SMURF2: variants seen among roughly 807,000 people sequenced by gnomAD.
SMURF2 encodes SMAD specific E3 ubiquitin protein ligase 2, also known as E3 ubiquitin-protein ligase SMURF2.
A neutral mutation model predicts 109.6 loss-of-function variants in SMURF2; 48 were observed. The ratio of observed to expected loss-of-function variants is 0.44; its 90% CI spans 0.35 to 0.56. SMURF2 has a LOEUF of 0.56. Among genes scored for constraint, SMURF2 ranks in the 20% least tolerant of loss-of-function variants. The probability of loss-of-function intolerance (pLI) is 0.01; values close to 1 mark genes in which losing one functional copy is unlikely to be tolerated. For missense variants in SMURF2, 575 were observed against 909.0 expected, an observed-to-expected ratio of 0.63 and a Z score of 4.72; for synonymous variants, 288 against 317.1, an observed-to-expected ratio of 0.91 and a Z score of 0.97.
chr17:64,638,770 C>T (rs1464645060), intron 1 of SMURF2, among the ~76,000 whole-genome samples: 1 of 152,182 alleles, frequency 6.6e-6, no homozygotes, highest in Non-Finnish European at 1.5e-5. Flanking sequence ...ACGTTTATGT[C>T]ACAATGCCCC....
At chr17:64,588,296 G>C (rs1969695816) in intron 5 of SMURF2, among the ~76,000 whole-genome samples, 1 of 151,848 alleles carries the variant, frequency 6.6e-6, no homozygotes, top group Admixed American at 6.6e-5. Flanking sequence ...AAGGAAAAAA[G>C]TTTGTACTCC....
intron 11 of SMURF2, 103 bp downstream of exon 11, chr17:64,562,668 G>A (rs1038098144): frequency 1.5e-5 from 18 of 1,165,802 alleles, no homozygotes; most frequent in African/African-American, 9.3e-5. Flanking sequence ...GTGAGCCACC[G>A]CACCCGGCCA....
intron 1 of SMURF2, among the ~76,000 whole-genome samples, chr17:64,629,592 T>C (rs1459303482): frequency 1.3e-5 from 2 of 152,192 alleles, no homozygotes; most frequent in East Asian, 1.9e-4. Context: ...AAATCCTAAA[T>C]TGCAAGCAGT....
At chr17:64,587,073 G>C (rs1447178507) in intron 5 of SMURF2, among the ~76,000 whole-genome samples, 1 of 152,180 alleles carries the variant, frequency 6.6e-6, no homozygotes, top group East Asian at 1.9e-4. Context: ...CTACTGGGGA[G>C]GCTGAGGCAG....
At chr17:64,614,652 G>T (rs146790121) in intron 1 of SMURF2, among the ~76,000 whole-genome samples, 5 of 152,148 alleles carry the variant, frequency 3.3e-5, no homozygotes, top group African/African-American at 1.2e-4. Flanking sequence ...AGCCATATTG[G>T]ATAAAGCCTC....
chr17:64,562,706 G>C, intron 11 of SMURF2, 65 bp downstream of exon 11: 4 of 1,480,312 alleles, frequency 2.7e-6, no homozygotes, highest in Non-Finnish European at 3.7e-6. Flanking sequence ...AATAAGGTTT[G>C]TATTAGCAAG....
At chr17:64,625,025 C>A (rs782463105) in intron 1 of SMURF2, among the ~76,000 whole-genome samples, 2 of 152,126 alleles carry the variant, frequency 1.3e-5, no homozygotes, top group Non-Finnish European at 2.9e-5. Flanking sequence ...TCTTGGGAAA[C>A]TAGCATTCAC....
chr17:64,571,727 A>T, intron 10 of SMURF2, 71 bp downstream of exon 10: 1 of 1,436,358 alleles, frequency 7.0e-7, no homozygotes, highest in Non-Finnish European at 9.4e-7. Flanking sequence ...ACTCACATTT[A>T]TTATTAAAAG....
In SMURF2 at chr17:64,617,733, T is replaced by TTA. The variant is rs1555690224; in HGVS notation, c.53-11094_53-11093insTA. Among the ~76,000 whole-genome samples, 3 of 152,178 alleles carry TTA rather than the reference T, an allele frequency of 2.0e-5. No individual in the cohort carries two copies. In the East Asian group the frequency reaches 5.8e-4, roughly 29 times the overall value. On this transcript the variant is annotated intron_variant, in intron 1 of 18. Transcript: ENST00000262435. ...ATCCTCCTACCTCAGTCTCCCAGACTGTTAGAATTACAGGCATGAGCCACT... is the reference window on the plus strand; with the variant it reads ...ATCCTCCTACCTCAGTCTCCCAGACTTAGTTAGAATTACAGGCATGAGCCACT...
intron 16 of SMURF2, among the ~76,000 whole-genome samples, chr17:64,548,551 C>G (rs903412465): frequency 6.6e-6 from 1 of 152,120 alleles, no homozygotes; most frequent in Non-Finnish European, 1.5e-5. Context: ...CAATGCCCAG[C>G]TAATTTTTGT....
chr17:64,645,396 G>T (rs1970546047), intron 1 of SMURF2, among the ~76,000 whole-genome samples: 1 of 152,094 alleles, frequency 6.6e-6, no homozygotes, highest in African/African-American at 2.4e-5. Context: ...TACTCAAAAA[G>T]GGAGAGGGGT....
intron 15 of SMURF2, among the ~76,000 whole-genome samples, chr17:64,552,169 C>T (rs1435647957): frequency 6.6e-6 from 1 of 152,098 alleles, no homozygotes; most frequent in Admixed American, 6.6e-5. Flanking sequence ...AGAGAATCCT[C>T]ATACCAAAAA....
At chr17:64,648,674 A>G (rs1970593375) in intron 1 of SMURF2, among the ~76,000 whole-genome samples, 1 of 152,176 alleles carries the variant, frequency 6.6e-6, no homozygotes, top group African/African-American at 2.4e-5. Flanking sequence ...CAGGAGGCAG[A>G]GGCAGGAGGA....
chr17:64,558,123 G>A (rs1969151604), intron 12 of SMURF2, among the ~76,000 whole-genome samples: 3 of 152,186 alleles, frequency 2.0e-5, no homozygotes, highest in East Asian at 1.9e-4. Context: ...TGTGAGGCTG[G>A]GGACGGTGGC....
intron 1 of SMURF2, among the ~76,000 whole-genome samples, chr17:64,651,492 A>G (rs1179616341): frequency 6.6e-6 from 1 of 151,234 alleles, no homozygotes; most frequent in Admixed American, 6.6e-5. Context: ...GAACTGCTTG[A>G]ACCCAGGAGG....
At chr17:64,614,197 T>A (rs1030613614) in intron 1 of SMURF2, among the ~76,000 whole-genome samples, 5 of 152,202 alleles carry the variant, frequency 3.3e-5, no homozygotes, top group Non-Finnish European at 7.3e-5. Flanking sequence ...AATCAGTATT[T>A]CAATATCTTT....
chr17:64,559,691 A>T (rs1030305212), intron 12 of SMURF2, among the ~76,000 whole-genome samples: 3 of 151,218 alleles, frequency 2.0e-5, no homozygotes, highest in Non-Finnish European at 4.4e-5. Context: ...GGATCACTTG[A>T]GGCCAGGAGT....
chr17:64,603,129 AC>A (rs782285201), intron 2 of SMURF2, among the ~76,000 whole-genome samples: 121 of 151,988 alleles, frequency 8.0e-4, no homozygotes, highest in Non-Finnish European at 1.5e-3. Context: ...AAAAAAAAAA[AC>A]ATACACAACA....
At chr17:64,597,932 T>G (rs1358609799) in intron 3 of SMURF2, among the ~76,000 whole-genome samples, 2 of 152,196 alleles carry the variant, frequency 1.3e-5, no homozygotes, top group African/African-American at 4.8e-5. Flanking sequence ...AGCAGGGAAC[T>G]TGCTGTTTTC....
Sources: allele counts gnomAD v4.1 joint callset (sites outside exome capture counted in the v4.1 genomes callset), GRCh38; gene constraint gnomAD v4.1.1; transcripts MANE v1.5; gene names NCBI Gene and HGNC (gene_info 2026-07-23, HGNC 2026-07-21).